FRMPD4: variants seen among roughly 807,000 people sequenced by gnomAD.
FRMPD4 encodes the protein FERM and PDZ domain-containing protein 4.
A neutral mutation model predicts 94.1 loss-of-function variants in FRMPD4; 22 were observed. The observed-to-expected ratio is 0.23, with a 90% CI of 0.17 to 0.33. The LOEUF is 0.33. Ranked by LOEUF, FRMPD4 falls within the 10% of genes least tolerant of loss-of-function variation. The pLI, the probability that FRMPD4 is intolerant of heterozygous loss-of-function variation, is 1.00. For synonymous variants in FRMPD4, 631 were observed against 548.6 expected (o/e 1.15, Z -2.10); for missense variants, 1,111 against 1,339.9 (o/e 0.83, Z 2.67).
intron 1 of FRMPD4, among the ~76,000 whole-genome samples, chrX:12,473,414 C>A (rs1009331610): frequency 8.2e-5 from 9 of 109,854 alleles, no homozygotes; most frequent in Admixed American, 7.6e-4. Context: ...AACTAACAAG[C>A]AAAATAACCA....
At chrX:12,453,436 G>GA (rs746773598) in intron 1 of FRMPD4, among the ~76,000 whole-genome samples, 1,419 of 111,633 alleles carry the variant, frequency 0.013, 14 homozygotes, top group African/African-American at 0.038. Context: ...TATTTAATAG[G>GA]AAAAAAATTA....
chrX:12,062,693 T>C (rs1675053678), intron 3 of FRMPD4, among the ~76,000 whole-genome samples: 2 of 111,486 alleles, frequency 1.8e-5, no homozygotes, highest in South Asian at 7.6e-4. Flanking sequence ...GTTTGTGCTG[T>C]TGTCAAAAAC....
intron 3 of FRMPD4, among the ~76,000 whole-genome samples, chrX:12,117,859 T>G (rs28473256): frequency 0.05 from 5,644 of 111,832 alleles, 332 homozygotes; most frequent in African/African-American, 0.17. Flanking sequence ...AACATCAGAT[T>G]AATCAACATT....
At position 12,013,142 on chromosome X, in the gene FRMPD4, G is replaced by A. The variant is rs2054589015; in HGVS notation, c.95+135124G>A. Reference sequence around the variant, plus strand: ...GCAGTGTCTTGGATTCTAAGGAAATGTCTCTCAGCAGAACAAAAAAATTAA... The same window carrying A: ...GCAGTGTCTTGGATTCTAAGGAAATATCTCTCAGCAGAACAAAAAAATTAA... On this transcript the variant is annotated intron_variant, in intron 3 of 18. Transcript: ENST00000640291. Among the ~76,000 whole-genome samples the A allele has an allele frequency of 8.9e-5, 10 of 111,824 alleles. No homozygotes were observed. The Admixed American group carries it at 9.5e-4, about 11-fold the overall frequency.
At chrX:12,545,629 C>T (rs2058466310) in intron 2 of FRMPD4, among the ~76,000 whole-genome samples, 1 of 112,658 alleles carries the variant, frequency 8.9e-6, no homozygotes, top group South Asian at 3.7e-4. Context: ...GGGGGATGGG[C>T]TGTGTGTGCT....
intron 1 of FRMPD4, among the ~76,000 whole-genome samples, chrX:12,145,210 T>A (rs2055746622): frequency 8.9e-6 from 1 of 112,145 alleles, no homozygotes; most frequent in Non-Finnish European, 1.9e-5. Flanking sequence ...AATGAGTGTA[T>A]TTTTCTATTG....
rs1387268990 is a variant in FRMPD4 at position 12,723,895 on chromosome X, A to C, written c.*2037A>C. The stretch of plus-strand genomic sequence containing the variant: ...TCTCAATTTCCTCATAATAAAATGA[A>C]AATCAATTATAAGATCGATTTCCAT... On this transcript the variant is annotated 3_prime_UTR_variant, in exon 17 of 17. Coordinates refer to ENST00000675598, the MANE Select transcript of FRMPD4 (RefSeq NM_001368397.1). The C allele has an allele frequency of 1.8e-5, 2 of 111,844 alleles. No individual in the cohort carries two copies. Among genetic ancestry groups the C allele is most frequent in the Non-Finnish European group, 3.8e-5 (2 of 53,211 alleles). 9.2% of individuals were successfully genotyped at this position (111,844 alleles called of 1,213,427 possible).
chrX:12,470,284 A>C (rs2057495570), intron 1 of FRMPD4, among the ~76,000 whole-genome samples: 1 of 111,777 alleles, frequency 8.9e-6, no homozygotes, highest in South Asian at 3.7e-4. Flanking sequence ...TAACATCTCT[A>C]TATTCTGTAC....
At chrX:12,008,738 T>A (rs2054566535) in intron 3 of FRMPD4, among the ~76,000 whole-genome samples, 1 of 112,193 alleles carries the variant, frequency 8.9e-6, no homozygotes, top group Non-Finnish European at 1.9e-5. Context: ...GATGACTGGT[T>A]TGCTATGATG....
At chrX:12,379,641 C>T (rs2056291478) in intron 1 of FRMPD4, among the ~76,000 whole-genome samples, 1 of 56,710 alleles carries the variant, frequency 1.8e-5, no homozygotes, top group East Asian at 5.3e-4. Context: ...TGATATGCTG[C>T]CGTGTGTGTG....
At chrX:12,602,635 TC>T (rs1055121428) in intron 2 of FRMPD4, among the ~76,000 whole-genome samples, 4 of 111,951 alleles carry the variant, frequency 3.6e-5, no homozygotes. Flanking sequence ...ATACCAAACA[TC>T]CCCCAAATTC....
intron 3 of FRMPD4, among the ~76,000 whole-genome samples, chrX:12,048,252 T>G (rs754040952): frequency 1.8e-5 from 2 of 112,559 alleles, no homozygotes; most frequent in East Asian, 5.6e-4. Context: ...TGGTTATTAG[T>G]GATGTGGATC....
At chrX:11,897,150 C>CAAAAA (rs997285182) in intron 3 of FRMPD4, among the ~76,000 whole-genome samples, 2 of 40,647 alleles carry the variant, frequency 4.9e-5, no homozygotes, top group Non-Finnish European at 9.7e-5. Flanking sequence ...GGATGAATTA[C>CAAAAA]AAAAAAAAAA....
chrX:12,474,163 C>G (rs1192898490), intron 1 of FRMPD4, among the ~76,000 whole-genome samples: 1 of 109,039 alleles, frequency 9.2e-6, no homozygotes, highest in Non-Finnish European at 1.9e-5. Context: ...AAGAAACTCA[C>G]TCAAAACCAA....
intron 1 of FRMPD4, among the ~76,000 whole-genome samples, chrX:12,141,628 G>A (rs2055692474): frequency 9.0e-6 from 1 of 110,911 alleles, no homozygotes; most frequent in Non-Finnish European, 1.9e-5. Flanking sequence ...TAAGTAGTTG[G>A]CACCCTTTAC....
At chrX:12,460,112 T>C (rs1159239916) in intron 1 of FRMPD4, among the ~76,000 whole-genome samples, 1 of 112,197 alleles carries the variant, frequency 8.9e-6, no homozygotes, top group Non-Finnish European at 1.9e-5. Context: ...TAAAATTGGG[T>C]TGTCTTCATA....
intron 1 of FRMPD4, among the ~76,000 whole-genome samples, chrX:12,289,795 A>G (rs774430525): frequency 1.5e-3 from 170 of 111,854 alleles, no homozygotes; most frequent in Non-Finnish European, 1.9e-3. Context: ...GAGAAAGGCC[A>G]GTGCCTTCTT....
At chrX:12,239,096 C>T (rs181650078) in intron 1 of FRMPD4, among the ~76,000 whole-genome samples, 25 of 112,125 alleles carry the variant, frequency 2.2e-4, no homozygotes, top group Admixed American at 2.0e-3. Context: ...AGGCTATTTC[C>T]CAGAATGAAA....
intron 3 of FRMPD4, among the ~76,000 whole-genome samples, chrX:12,050,696 A>G (rs2054812075): frequency 9.0e-6 from 1 of 110,721 alleles, no homozygotes; most frequent in African/African-American, 3.3e-5. Context: ...CTGAACTGGA[A>G]TGCTTAGCTT....
Sources: gnomAD v4.1 joint callset for allele counts (sites outside exome capture counted in the v4.1 genomes callset) on GRCh38, gnomAD v4.1.1 for gene constraint, MANE v1.5 for transcripts, NCBI Gene and HGNC (gene_info 2026-07-23, HGNC 2026-07-21) for gene names.